ADAMTSL1: variants seen among roughly 807,000 people sequenced by gnomAD.
The protein encoded by ADAMTSL1 is ADAMTS-like protein 1.
In ADAMTSL1, 126 loss-of-function variants were observed where a neutral mutation model predicts 201.8. The ratio of observed to expected loss-of-function variants is 0.62; its 90% confidence interval spans 0.54 to 0.72. ADAMTSL1 has a LOEUF of 0.72. ADAMTSL1 is among the 30% of genes least tolerant of loss of function. The pLI is 0.00. For synonymous variants in ADAMTSL1, 1,121 were observed against 903.4 expected (o/e 1.24, Z -4.32); for missense variants, 2,679 against 2,277.8 (o/e 1.18, Z -3.59).
intron 2 of ADAMTSL1, among the ~76,000 whole-genome samples, chr9:18,349,972 C>T (rs552632055): frequency 6.6e-6 from 1 of 151,028 alleles, no homozygotes; most frequent in Non-Finnish European, 1.5e-5. Context: ...TGAGGTTAGA[C>T]CTCCAAAGAC....
At chr9:18,770,494 G>T (rs1026808276) in intron 16 of ADAMTSL1, 108 bp from the exon 17 acceptor site, 1 of 1,170,478 alleles carries the variant, frequency 8.5e-7, no homozygotes. Context: ...TTCTTCTTCT[G>T]GATTTTTTTT....
chr9:18,869,395 A>C (rs1306858354), intron 23 of ADAMTSL1, among the ~76,000 whole-genome samples: 7 of 152,242 alleles, frequency 4.6e-5, no homozygotes, highest in Admixed American at 4.6e-4. Flanking sequence ...TGCAGAGCTC[A>C]CCTAGTCTGT....
At chr9:18,758,799 G>A (rs929486886) in intron 16 of ADAMTSL1, among the ~76,000 whole-genome samples, 1 of 152,090 alleles carries the variant, frequency 6.6e-6, no homozygotes. Context: ...AGATATCTTC[G>A]GGGGCCATTG....
rs1211304383 is a variant in ADAMTSL1 at position 18,291,745 on chromosome 9, TCTCACA to T, written c.207+127766_207+127771del. 3.8e-3 allele frequency among the ~76,000 whole-genome samples: 422 copies of T among 110,990 alleles called. 1 individual carries two copies. The highest frequency in any genetic ancestry group is 0.013 in the African/African-American group (378 of 28,456). 72.8% of individuals were successfully genotyped at this position (110,990 alleles called of 152,430 possible). ...CTCTCTCTCTCTCTCTCTCTCTCTC[TCTCACA>T]CACACACACACACACACACACACAC... On this transcript the variant is annotated intron_variant, in intron 2 of 29. Transcript: ENST00000680146.
At chr9:18,452,414 C>T (rs1038319025) in intron 2 of ADAMTSL1, among the ~76,000 whole-genome samples, 1 of 152,114 alleles carries the variant, frequency 6.6e-6, no homozygotes, top group Non-Finnish European at 1.5e-5. Flanking sequence ...GTCACTAATC[C>T]CCGAAGTCAC....
intron 2 of ADAMTSL1, among the ~76,000 whole-genome samples, chr9:18,532,897 A>G (rs935672123): frequency 6.6e-6 from 1 of 151,968 alleles, no homozygotes; most frequent in Non-Finnish European, 1.5e-5. Flanking sequence ...TCAGTGAAAT[A>G]TATCTTCAAT....
intron 23 of ADAMTSL1, among the ~76,000 whole-genome samples, chr9:18,837,620 G>A (rs1358459539): frequency 2.0e-5 from 3 of 152,178 alleles, no homozygotes; most frequent in Admixed American, 2.0e-4. Context: ...TACGCATTCT[G>A]CGCCATACTC....
chr9:18,040,999 A>G (rs1386714491), intron 1 of ADAMTSL1, among the ~76,000 whole-genome samples: 1 of 152,200 alleles, frequency 6.6e-6, no homozygotes, highest in East Asian at 1.9e-4. Context: ...AATTAGTAGG[A>G]ATTATGTATA....
intron 6 of ADAMTSL1, among the ~76,000 whole-genome samples, chr9:18,637,508 A>G (rs1197095915): frequency 6.6e-6 from 1 of 152,160 alleles, no homozygotes; most frequent in Non-Finnish European, 1.5e-5. Flanking sequence ...AGTCTCATAG[A>G]TTTCATAATT....
chr9:18,045,521 T>C (rs1032687641), intron 1 of ADAMTSL1, among the ~76,000 whole-genome samples: 1 of 152,220 alleles, frequency 6.6e-6, no homozygotes, highest in South Asian at 2.1e-4. Flanking sequence ...TCTACAAAGA[T>C]ACCCATTCAT....
intron 3 of ADAMTSL1, among the ~76,000 whole-genome samples, chr9:18,550,187 T>C (rs918151201): frequency 1.3e-5 from 2 of 152,026 alleles, no homozygotes; most frequent in Non-Finnish European, 2.9e-5. Context: ...TCTCCAAAGA[T>C]ATCTATGTCC....
At chr9:18,214,976 T>C (rs1373916144) in intron 2 of ADAMTSL1, among the ~76,000 whole-genome samples, 1 of 152,150 alleles carries the variant, frequency 6.6e-6, no homozygotes, top group South Asian at 2.1e-4. Flanking sequence ...AGCAACATCC[T>C]GCTGTGTTTG....
intron 16 of ADAMTSL1, among the ~76,000 whole-genome samples, chr9:18,764,732 C>G (rs1820263626): frequency 6.6e-6 from 1 of 152,206 alleles, no homozygotes. Flanking sequence ...CCATGCAGAT[C>G]AAAGTGAAGG....
intron 2 of ADAMTSL1, among the ~76,000 whole-genome samples, chr9:18,194,847 G>T (rs1022949339): frequency 6.6e-6 from 1 of 151,840 alleles, no homozygotes. Context: ...TTTATTCCTG[G>T]CCAAGTCTGC....
chr9:18,156,954 GA>G (rs1417838241), intron 1 of ADAMTSL1, among the ~76,000 whole-genome samples: 1 of 152,042 alleles, frequency 6.6e-6, no homozygotes, highest in African/African-American at 2.4e-5. Flanking sequence ...TATGTTTTGG[GA>G]AAGGTGCTGC....
intron 1 of ADAMTSL1, among the ~76,000 whole-genome samples, chr9:17,955,876 G>A (rs1453081851): frequency 1.3e-5 from 2 of 152,260 alleles, no homozygotes; most frequent in East Asian, 3.9e-4. Flanking sequence ...AGGTTCTTAG[G>A]ATATGTCTCC....
intron 2 of ADAMTSL1, among the ~76,000 whole-genome samples, chr9:18,441,359 C>G (rs1457911405): frequency 6.6e-6 from 1 of 152,166 alleles, no homozygotes; most frequent in African/African-American, 2.4e-5. Context: ...TCCATTCATT[C>G]TTCTAATAGC....
intron 2 of ADAMTSL1, among the ~76,000 whole-genome samples, chr9:18,254,719 G>C (rs1286720352): frequency 6.9e-6 from 1 of 145,036 alleles, no homozygotes; most frequent in African/African-American, 2.6e-5. Context: ...AGTGTGGGAA[G>C]AAGAGAATTG....
chr9:18,318,021 T>G (rs1397421549), intron 2 of ADAMTSL1, among the ~76,000 whole-genome samples: 1 of 152,118 alleles, frequency 6.6e-6, no homozygotes, highest in Non-Finnish European at 1.5e-5. Flanking sequence ...GGATATAATT[T>G]TAATCTTGCT....
Sources: allele counts gnomAD v4.1 joint callset (sites outside exome capture counted in the v4.1 genomes callset), GRCh38; gene constraint gnomAD v4.1.1; transcripts MANE v1.5; gene names NCBI Gene and HGNC (gene_info 2026-07-23, HGNC 2026-07-21).